Variants in WDFY3 observed in about 807,000 individuals in gnomAD.
The protein encoded by WDFY3 is WD repeat and FYVE domain-containing protein 3.
In WDFY3, 66 loss-of-function variants were observed where a neutral mutation model predicts 409.6. The observed-to-expected ratio is 0.16, with a 90% CI of 0.13 to 0.20. WDFY3 has a LOEUF of 0.20. Ranked by LOEUF, WDFY3 falls within the 10% of genes least tolerant of loss-of-function variation. WDFY3 has a pLI of 1.00. For missense variants in WDFY3, 3,031 were observed against 4,298.1 expected, an observed-to-expected ratio of 0.71 and a Z score of 8.24; for synonymous variants, 1,521 against 1,537.1, an observed-to-expected ratio of 0.99 and a Z score of 0.25.
intron 7 of WDFY3, among the ~76,000 whole-genome samples, chr4:84,832,393 G>C (rs1578728181): frequency 6.6e-6 from 1 of 152,044 alleles, no homozygotes; most frequent in East Asian, 1.9e-4. Flanking sequence ...GTATAGTTGG[G>C]AGTAAGTTCT....
chr4:84,961,960 T>C (rs1352402716), intron 1 of WDFY3, among the ~76,000 whole-genome samples: 3 of 152,204 alleles, frequency 2.0e-5, no homozygotes, highest in Admixed American at 6.5e-5. Flanking sequence ...AGGTATTAAC[T>C]CAAGAAAACT....
At chr4:84,791,512 T>C (rs999688336) in intron 21 of WDFY3, among the ~76,000 whole-genome samples, 2 of 152,204 alleles carry the variant, frequency 1.3e-5, no homozygotes, top group African/African-American at 4.8e-5. Flanking sequence ...AATAATGTTG[T>C]TGTATGACAA....
intron 32 of WDFY3, among the ~76,000 whole-genome samples, chr4:84,758,650 G>A (rs3098928): frequency 0.48 from 72,776 of 151,886 alleles, 20,425 homozygotes; most frequent in South Asian, 0.65. Flanking sequence ...TGTCTAGGTT[G>A]CTTTCAAAAT....
chr4:84,678,273 C>T lies in WDFY3; in HGVS notation c.10154G>A (p.Arg3385Gln), dbSNP rs575213084. 8 of 1,613,402 alleles carry T rather than the reference C, an allele frequency of 5.0e-6. No homozygotes were observed. The highest frequency in any genetic ancestry group is 1.7e-4 in the Middle Eastern group (1 of 6,058). Residue 3385 changes from arginine to glutamine, a missense_variant, in exon 66 of 68, where the codon CGA becomes CAA. Arg to Gln is a conservative substitution (Grantham distance 43). This residue lies in a region of WDFY3 where 378 missense variants were observed against 477.3 expected (regional missense o/e 0.79). Coordinates refer to ENST00000295888, the MANE Select transcript of WDFY3 (RefSeq NM_014991.6). ...CCTGAACACCAGCTGCCGTTCCCAT[C>T]GGTACCCTGGAATGGAGAAGTGGAG... ...RNYSRLKPGY[R>Q]WERQLVFRSK...
intron 2 of WDFY3, among the ~76,000 whole-genome samples, chr4:84,913,294 C>T (rs75747570): frequency 2.0e-5 from 3 of 152,084 alleles, no homozygotes; most frequent in Admixed American, 1.3e-4. Context: ...ATAGAAGATG[C>T]CATCATTGTT....
Position 84,860,117 on chromosome 4 carries a change from C to T in WDFY3, c.180+295G>A, listed in dbSNP as rs140190358. Among the ~76,000 whole-genome samples, 651 of 152,232 alleles carry T rather than the reference C, an allele frequency of 4.3e-3. 7 individuals are homozygous for T. Among genetic ancestry groups the T allele is most frequent in the Non-Finnish European group, 6.1e-3 (415 of 68,022 alleles). ...CAGAAATAACACAATTGATAATTTA[C>T]AATCTATTCCTCTTCCAAATCTCAA... On this transcript the variant is annotated intron_variant, in intron 4 of 67. Coordinates refer to ENST00000295888, the MANE Select transcript of WDFY3 (RefSeq NM_014991.6).
rs570923293 is a variant in WDFY3 at position 84,838,941 on chromosome 4, T to C, written c.415-1851A>G. ...ACATCTACACATTGAGTCAGGACCA[T>C]GTTTTGGTCATCTCTGTGTAACACT... On this transcript the variant is annotated intron_variant, in intron 6 of 67. Coordinates refer to ENST00000295888, the MANE Select transcript of WDFY3 (RefSeq NM_014991.6). 1.6e-4 allele frequency among the ~76,000 whole-genome samples: 25 copies of C among 152,336 alleles called. No individual in the cohort carries two copies. In the South Asian group the frequency reaches 5.2e-3, roughly 32 times the overall value.
intron 17 of WDFY3, among the ~76,000 whole-genome samples, chr4:84,801,225 G>A (rs1213573082): frequency 6.6e-6 from 1 of 152,142 alleles, no homozygotes; most frequent in Non-Finnish European, 1.5e-5. Flanking sequence ...GTATAGTTAT[G>A]TAAGGTGTAA....
intron 50 of WDFY3, 25 bp from the exon 51 acceptor site, chr4:84,713,264 A>T (rs914798960): frequency 5.6e-6 from 9 of 1,598,364 alleles, no homozygotes; most frequent in Non-Finnish European, 7.7e-6. Context: ...ATAGCGTAAA[A>T]TTACAAGTGA....
chr4:84,787,719 A>C lies in WDFY3; in HGVS notation c.3670-6T>G, dbSNP rs1350536454. The C allele has an allele frequency of 1.2e-6, 2 of 1,601,202 alleles. No homozygotes were observed. The highest frequency in any genetic ancestry group is 1.1e-5 in the South Asian group (1 of 90,672). On this transcript the variant is annotated splice_polypyrimidine_tract_variant and splice_region_variant and intron_variant, in intron 22 of 67. Coordinates refer to ENST00000295888, the MANE Select transcript of WDFY3 (RefSeq NM_014991.6). Reference sequence around the variant, plus strand: ...GTACTGTGGACATAATGAAGCTGTAAGGAAGACAAAAGCAAATGTGTGAGA... The same window carrying C: ...GTACTGTGGACATAATGAAGCTGTACGGAAGACAAAAGCAAATGTGTGAGA...
chr4:84,908,786 A>AG (rs1767380774), intron 2 of WDFY3, among the ~76,000 whole-genome samples: 1 of 152,154 alleles, frequency 6.6e-6, no homozygotes, highest in Non-Finnish European at 1.5e-5. Context: ...GTCCTTATCT[A>AG]GCTCAAGAGT....
chr4:84,689,565 A>G (rs76056220), intron 61 of WDFY3, among the ~76,000 whole-genome samples: 24 of 152,328 alleles, frequency 1.6e-4, no homozygotes, highest in African/African-American at 5.8e-4. Context: ...ATTCAGTTTT[A>G]TACTGAACAG....
intron 4 of WDFY3, among the ~76,000 whole-genome samples, chr4:84,852,383 C>T (rs1234378686): frequency 1.3e-5 from 2 of 152,114 alleles, no homozygotes; most frequent in Non-Finnish European, 2.9e-5. Flanking sequence ...AAAAGCAAAA[C>T]CATGAATAAG....
intron 23 of WDFY3, among the ~76,000 whole-genome samples, chr4:84,786,755 C>T (rs1002128179): frequency 6.6e-6 from 1 of 152,180 alleles, no homozygotes; most frequent in African/African-American, 2.4e-5. Flanking sequence ...GGGCTCAGAA[C>T]AGCTACATCC....
At chr4:84,882,120 T>C (rs975159112) in intron 3 of WDFY3, among the ~76,000 whole-genome samples, 1 of 152,138 alleles carries the variant, frequency 6.6e-6, no homozygotes, top group Non-Finnish European at 1.5e-5. Context: ...TCATCTCATA[T>C]CCGCTCATCC....
intron 1 of WDFY3, among the ~76,000 whole-genome samples, chr4:84,964,455 C>T (rs892338127): frequency 5.9e-5 from 9 of 152,164 alleles, no homozygotes; most frequent in East Asian, 5.8e-4. Flanking sequence ...GGCAACAGGG[C>T]AAGACCCTGT....
chr4:84,700,404 A>T (rs999282247), intron 56 of WDFY3, among the ~76,000 whole-genome samples: 6 of 152,140 alleles, frequency 3.9e-5, no homozygotes, highest in African/African-American at 1.4e-4. Flanking sequence ...AGGTTTTGCC[A>T]TGTTGCCCAG....
At chr4:84,763,470 C>T (rs1186775554) in intron 32 of WDFY3, among the ~76,000 whole-genome samples, 1 of 151,988 alleles carries the variant, frequency 6.6e-6, no homozygotes, top group East Asian at 1.9e-4. Flanking sequence ...ATAGGTGCAG[C>T]AAACCACCAT....
Position 84,672,944 on chromosome 4 carries a change from G to A in WDFY3, c.10505C>T (p.Pro3502Leu), listed in dbSNP as rs368055237. 33 of 1,613,922 alleles carry A rather than the reference G, an allele frequency of 2.0e-5. No individual in the cohort carries two copies. The highest frequency in any genetic ancestry group is 4.0e-5 in the African/African-American group (3 of 74,892). Residue 3502 changes from proline to leucine, a missense_variant, in exon 68 of 68, where the codon CCG (proline) becomes CTG (leucine). By Grantham distance (98) the Pro-to-Leu change is moderately conservative. This residue lies in a region of WDFY3 where 378 missense variants were observed against 477.3 expected (regional missense o/e 0.79). Coordinates refer to ENST00000295888, the MANE Select transcript of WDFY3 (RefSeq NM_014991.6). Reference protein sequence around the residue: ...SEIKRLKISSPVRVCQNCYYN... With the variant: ...SEIKRLKISSLVRVCQNCYYN... ...ATAACAGTTCTGACAAACACGCACC[G>A]GGGATGAGATTTTCAAGCGTTTGAT...
Sources: allele counts gnomAD v4.1 joint callset (sites outside exome capture counted in the v4.1 genomes callset), GRCh38; gene constraint gnomAD v4.1.1; regional missense constraint gnomAD v4.1.1; transcripts MANE v1.5; gene names NCBI Gene and HGNC (gene_info 2026-07-23, HGNC 2026-07-21).